MAD1L1: variants seen among roughly 807,000 people sequenced by gnomAD.
MAD1L1 encodes the protein mitotic arrest deficient 1 like 1.
Under a neutral mutation model 96.9 loss-of-function variants are expected in MAD1L1, and 95 were observed. That is an observed-to-expected ratio of 0.98 (90% CI 0.83 to 1.16). MAD1L1 has a LOEUF of 1.16. Ranked by LOEUF, MAD1L1 falls within the 50% of genes most tolerant of loss-of-function variation. The probability of loss-of-function intolerance (pLI) is 0.00; values close to 1 mark genes in which losing one functional copy is unlikely to be tolerated. For missense variants in MAD1L1, 1,007 were observed against 954.4 expected (o/e 1.06, Z -0.73); for synonymous variants, 473 against 396.6 (o/e 1.19, Z -2.29).
intron 18 of MAD1L1, among the ~76,000 whole-genome samples, chr7:1,868,816 G>A (rs894049788): frequency 2.6e-5 from 4 of 152,212 alleles, no homozygotes; most frequent in African/African-American, 9.6e-5. Flanking sequence ...CTAAGGAGCT[G>A]AAGGTGTGAC....
intron 18 of MAD1L1, among the ~76,000 whole-genome samples, chr7:1,861,408 T>G (rs1784539627): frequency 6.6e-6 from 1 of 151,668 alleles, no homozygotes; most frequent in African/African-American, 2.4e-5. Flanking sequence ...CTGCTCCGCC[T>G]GCCCCCTGGT....
At chr7:1,948,748 G>A (rs1043529919) in intron 16 of MAD1L1, among the ~76,000 whole-genome samples, 3 of 152,156 alleles carry the variant, frequency 2.0e-5, no homozygotes, top group Non-Finnish European at 2.9e-5. Context: ...TCAGCGGGGC[G>A]GGGACAGCAT....
At chr7:1,917,620 C>T (rs974538923) in intron 17 of MAD1L1, among the ~76,000 whole-genome samples, 4 of 152,250 alleles carry the variant, frequency 2.6e-5, no homozygotes, top group African/African-American at 9.6e-5. Context: ...GCAAAGTTTA[C>T]AGACGTGCCA....
intron 18 of MAD1L1, among the ~76,000 whole-genome samples, chr7:1,861,363 C>G (rs1441843482): frequency 6.6e-6 from 1 of 152,236 alleles, no homozygotes; most frequent in Non-Finnish European, 1.5e-5. Context: ...CTAAAGGCCA[C>G]AAGGGCCAGG....
At chr7:2,229,629 C>T (rs1433485556) in intron 3 of MAD1L1, among the ~76,000 whole-genome samples, 1 of 152,236 alleles carries the variant, frequency 6.6e-6, no homozygotes, top group African/African-American at 2.4e-5. Flanking sequence ...TCCCGACAGT[C>T]CTGGTGCTCA....
chr7:2,144,653 C>T (rs1432922323), intron 11 of MAD1L1, among the ~76,000 whole-genome samples: 2 of 152,052 alleles, frequency 1.3e-5, no homozygotes, highest in Non-Finnish European at 2.9e-5. Flanking sequence ...TGCTTGGGTC[C>T]CTAAGGGCCA....
At chr7:2,162,891 T>A (rs912334420) in intron 10 of MAD1L1, among the ~76,000 whole-genome samples, 1 of 151,424 alleles carries the variant, frequency 6.6e-6, no homozygotes, top group Admixed American at 6.6e-5. Flanking sequence ...TTTTTTTGCA[T>A]GAACCATGTC....
Position 2,106,226 on chromosome 7 carries a change from T to C in MAD1L1, c.1074-36888A>G, listed in dbSNP as rs565185264. ...TGGCACATCGGCAGCACCCCTCCAC[T>C]GCGTCGGTGCCTTGCGTGAAAGGTG... On this transcript the variant is annotated intron_variant, in intron 11 of 18. Coordinates refer to ENST00000265854, the MANE Select transcript of MAD1L1 (RefSeq NM_001013836.2). Among the ~76,000 whole-genome samples, 910 of 151,654 alleles carry C rather than the reference T, an allele frequency of 6.0e-3. 10 individuals are homozygous for C. Among genetic ancestry groups the C allele is most frequent in the African/African-American group, 0.021 (863 of 41,244 alleles).
At chr7:2,140,754 T>A (rs1584413605) in intron 11 of MAD1L1, among the ~76,000 whole-genome samples, 1 of 152,340 alleles carries the variant, frequency 6.6e-6, no homozygotes, top group East Asian at 1.9e-4. Flanking sequence ...AAAGGGCGGC[T>A]CCATGGCCCT....
intron 17 of MAD1L1, among the ~76,000 whole-genome samples, chr7:1,911,284 C>T (rs111963385): frequency 1.1e-4 from 16 of 152,238 alleles, no homozygotes; most frequent in African/African-American, 3.6e-4. Context: ...TTACTAGAGT[C>T]CAAATTCTAC....
intron 11 of MAD1L1, among the ~76,000 whole-genome samples, chr7:2,078,204 A>T (rs1438903620): frequency 6.6e-6 from 1 of 152,128 alleles, no homozygotes; most frequent in East Asian, 1.9e-4. Context: ...CTCTGCAGAG[A>T]GGCAGGGAAA....
At chr7:1,966,462 C>G (rs1780169918) in intron 15 of MAD1L1, among the ~76,000 whole-genome samples, 1 of 146,514 alleles carries the variant, frequency 6.8e-6, no homozygotes, top group Non-Finnish European at 1.5e-5. Flanking sequence ...CACGCTCTCA[C>G]AGCACACGGA....
intron 14 of MAD1L1, among the ~76,000 whole-genome samples, chr7:1,982,810 T>C (rs930510165): frequency 1.3e-5 from 2 of 152,220 alleles, no homozygotes; most frequent in Non-Finnish European, 2.9e-5. Context: ...GCCAATACTT[T>C]CTTATTTACA....
At chr7:1,886,468 C>T (rs184425275) in intron 18 of MAD1L1, among the ~76,000 whole-genome samples, 257 of 152,334 alleles carry the variant, frequency 1.7e-3, no homozygotes, top group Non-Finnish European at 3.1e-3. Flanking sequence ...AGCAGGTCCT[C>T]GATTCATGAG....
intron 18 of MAD1L1, among the ~76,000 whole-genome samples, chr7:1,866,723 C>A (rs547778917): frequency 6.6e-6 from 1 of 152,292 alleles, no homozygotes; most frequent in Admixed American, 6.5e-5. Context: ...CAGGGAACAT[C>A]GTGAAAACCA....
chr7:1,887,304 CAT>C (rs1786106793), intron 18 of MAD1L1, among the ~76,000 whole-genome samples: 1 of 149,046 alleles, frequency 6.7e-6, no homozygotes, highest in South Asian at 2.1e-4. Context: ...TGTGTGTGGG[CAT>C]GTGTGTGCAT....
Position 1,894,861 on chromosome 7 carries a change from A to C in MAD1L1, c.1998+3339T>G, listed in dbSNP as rs1011809286. ...CTGGGGGAAAGAGGCTGTGAAAAGA[A>C]GCCTAGGGAGAAATGGAGCAAGAAG... On this transcript the variant is annotated intron_variant, in intron 18 of 18. Coordinates refer to ENST00000265854, the MANE Select transcript of MAD1L1 (RefSeq NM_001013836.2). Among the ~76,000 whole-genome samples the C allele has an allele frequency of 2.0e-5, 3 of 152,072 alleles. No homozygotes were observed. The East Asian group carries it at 5.8e-4, about 29-fold the overall frequency.
At chr7:1,880,562 C>T (rs1025957200) in intron 18 of MAD1L1, among the ~76,000 whole-genome samples, 2 of 152,244 alleles carry the variant, frequency 1.3e-5, no homozygotes, top group African/African-American at 4.8e-5. Flanking sequence ...TTCCTGCAGT[C>T]ACAGTGGGCC....
chr7:1,830,162 C>G (rs1454039419), intron 18 of MAD1L1, among the ~76,000 whole-genome samples: 1 of 152,128 alleles, frequency 6.6e-6, no homozygotes, highest in Non-Finnish European at 1.5e-5. Context: ...TGTGGGAGGC[C>G]GAGGTGGGAG....
Sources: allele counts gnomAD v4.1 joint callset (sites outside exome capture counted in the v4.1 genomes callset), GRCh38; gene constraint gnomAD v4.1.1; transcripts MANE v1.5; gene names NCBI Gene and HGNC (gene_info 2026-07-23, HGNC 2026-07-21).